XYLT1: variants seen among roughly 807,000 people sequenced by gnomAD.
The protein encoded by XYLT1 is beta-D-xylosyltransferase 1.
A neutral mutation model predicts 91.3 loss-of-function variants in XYLT1; 36 were observed. The ratio of observed to expected loss-of-function variants is 0.39; its 90% CI spans 0.30 to 0.52. The LOEUF (loss-of-function observed/expected upper bound fraction) is 0.52, where lower values mean the gene tolerates loss of function less well. XYLT1 is among the 20% of genes least tolerant of loss of function. XYLT1 has a pLI of 0.68. For synonymous variants in XYLT1, 588 were observed against 532.0 expected (o/e 1.11, Z -1.45); for missense variants, 1,242 against 1,284.5 (o/e 0.97, Z 0.51).
intron 5 of XYLT1, chr16:17,193,666 C>A (rs1159638560): frequency 6.6e-6 from 1 of 152,206 alleles, no homozygotes; most frequent in African/African-American, 2.4e-5. Flanking sequence ...TTGGGCACTA[C>A]CGCCCCTTTG....
intron 2 of XYLT1, among the ~76,000 whole-genome samples, chr16:17,322,377 AATC>A (rs1275894420): frequency 6.6e-6 from 1 of 152,164 alleles, no homozygotes; most frequent in African/African-American, 2.4e-5. Flanking sequence ...TAGATAATAT[AATC>A]ATCATCGTCA....
chr16:17,197,176 C>T (rs1270901985), intron 5 of XYLT1, among the ~76,000 whole-genome samples: 1 of 151,886 alleles, frequency 6.6e-6, no homozygotes, highest in East Asian at 1.9e-4. Context: ...CTACCCCTCA[C>T]TTACTCTGTT....
intron 2 of XYLT1, among the ~76,000 whole-genome samples, chr16:17,283,669 C>G (rs1386215463): frequency 6.6e-6 from 1 of 152,186 alleles, no homozygotes; most frequent in African/African-American, 2.4e-5. Flanking sequence ...AACGGCTTTG[C>G]TCCTTGGGAC....
intron 2 of XYLT1, among the ~76,000 whole-genome samples, chr16:17,308,693 A>C (rs1394998042): frequency 6.6e-6 from 1 of 152,202 alleles, no homozygotes; most frequent in East Asian, 1.9e-4. Flanking sequence ...CTCTTCTCCA[A>C]GACCCAGTTT....
intron 1 of XYLT1, among the ~76,000 whole-genome samples, chr16:17,437,053 G>C (rs1009973917): frequency 6.6e-6 from 1 of 152,174 alleles, no homozygotes; most frequent in Non-Finnish European, 1.5e-5. Flanking sequence ...ATCCTCATGA[G>C]AACCTTCTGT....
rs2032468257 is a variant in XYLT1, at chr16:17,198,220, G to A, written c.1281C>T (p.Tyr427=). 5 of 1,614,166 alleles carry A rather than the reference G, an allele frequency of 3.1e-6. No individual in the cohort carries two copies. Among genetic ancestry groups the A allele is most frequent in the Non-Finnish European group, 4.2e-6 (5 of 1,180,014 alleles). The change falls in exon 5 of 12, where the codon TAC becomes TAT. Residue 427 remains tyrosine, a synonymous_variant. Transcript: ENST00000261381. The part of the protein sequence containing the change: ...DFFINLSAAD[Y]PIRTNDQLVA... ...GCCCTTGGCTGCCTTACCTGATGGGGTAGTCGGCCGCACTCAGGTTGATGA... is the reference window on the plus strand; with the variant it reads ...GCCCTTGGCTGCCTTACCTGATGGGATAGTCGGCCGCACTCAGGTTGATGA...
chr16:17,181,397 C>A (rs1259947365), intron 5 of XYLT1, among the ~76,000 whole-genome samples: 1 of 152,202 alleles, frequency 6.6e-6, no homozygotes, highest in African/African-American at 2.4e-5. Context: ...AGTGACCACA[C>A]AAGGCCAGAC....
intron 1 of XYLT1, among the ~76,000 whole-genome samples, chr16:17,388,884 G>A (rs1016884112): frequency 6.6e-6 from 1 of 152,194 alleles, no homozygotes; most frequent in African/African-American, 2.4e-5. Flanking sequence ...GCACCTGGAG[G>A]AAGAAGAGAG....
At chr16:17,143,941 C>A (rs939057175) in intron 6 of XYLT1, among the ~76,000 whole-genome samples, 25 of 152,226 alleles carry the variant, frequency 1.6e-4, no homozygotes, top group Admixed American at 1.4e-3. Context: ...CCACCATCTT[C>A]ATCCCCATTA....
At chr16:17,258,177 G>A (rs1186385488) in intron 3 of XYLT1, among the ~76,000 whole-genome samples, 4 of 149,412 alleles carry the variant, frequency 2.7e-5, no homozygotes, top group Non-Finnish European at 5.9e-5. Flanking sequence ...AAGGAAGGAA[G>A]TAAAGAATGA....
At chr16:17,116,204 C>T (rs903249459) in intron 11 of XYLT1, among the ~76,000 whole-genome samples, 7 of 151,834 alleles carry the variant, frequency 4.6e-5, no homozygotes, top group African/African-American at 1.5e-4. Flanking sequence ...TGAAAAGGGG[C>T]GGGGGAAATA....
chr16:17,270,008 T>G (rs1472610703), intron 2 of XYLT1, among the ~76,000 whole-genome samples: 2 of 152,006 alleles, frequency 1.3e-5, no homozygotes, highest in African/African-American at 2.4e-5. Flanking sequence ...AGAGATGGGA[T>G]TTCACCATGT....
At chr16:17,204,200 T>C (rs990973355) in intron 3 of XYLT1, among the ~76,000 whole-genome samples, 7 of 152,184 alleles carry the variant, frequency 4.6e-5, no homozygotes, top group African/African-American at 1.7e-4. Context: ...ATGCTGGTCT[T>C]TAAAAAGGGC....
intron 5 of XYLT1, among the ~76,000 whole-genome samples, chr16:17,196,934 C>T (rs1334080346): frequency 6.6e-6 from 1 of 150,762 alleles, no homozygotes; most frequent in African/African-American, 2.5e-5. Context: ...TCACTTGAAC[C>T]TGGTGGGTGG....
intron 2 of XYLT1, among the ~76,000 whole-genome samples, chr16:17,285,086 T>A (rs1230720684): frequency 2.0e-5 from 3 of 152,270 alleles, no homozygotes; most frequent in Admixed American, 2.0e-4. Context: ...GAAACAAAGG[T>A]GGATGCAGCC....
intron 2 of XYLT1, among the ~76,000 whole-genome samples, chr16:17,316,599 G>A (rs1567371160): frequency 6.6e-6 from 1 of 151,812 alleles, no homozygotes. Context: ...GTTTCACTAT[G>A]TTGTCCAGGT....
intron 1 of XYLT1, among the ~76,000 whole-genome samples, chr16:17,455,626 A>AT (rs2036730659): frequency 6.7e-6 from 1 of 149,048 alleles, no homozygotes; most frequent in Non-Finnish European, 1.5e-5. Flanking sequence ...AAATAAATAA[A>AT]AGGTAGATTT....
intron 1 of XYLT1, among the ~76,000 whole-genome samples, chr16:17,394,379 G>A (rs565455487): frequency 6.6e-6 from 1 of 152,230 alleles, no homozygotes; most frequent in East Asian, 1.9e-4. Context: ...TCCATGGGAG[G>A]CAGCGGTGGT....
In XYLT1 at chr16:17,141,184, T is replaced by C; in HGVS notation, c.1556A>G (p.Gln519Arg). The change falls in exon 7 of 12, where the codon CAG becomes CGG. Residue 519 changes from glutamine (Q) to arginine (R), a missense_variant. Coordinates refer to ENST00000261381, the MANE Select transcript of XYLT1 (RefSeq NM_022166.4). ...STDDLVTKMK[Q>R]FYSYTLLPAE... is the part of the protein sequence containing the mutation. ...AGGAAGCAGGGTGTAGGAGTAGAACTGTTTCATCTTGGTCACCAGATCGTC... is the reference window on the plus strand; with the variant it reads ...AGGAAGCAGGGTGTAGGAGTAGAACCGTTTCATCTTGGTCACCAGATCGTC... The C allele has an allele frequency of 6.2e-7, 1 of 1,614,224 alleles. No homozygotes were observed. The highest frequency in any genetic ancestry group is 8.5e-7 in the Non-Finnish European group (1 of 1,180,028).
Sources: allele counts gnomAD v4.1 joint callset (sites outside exome capture counted in the v4.1 genomes callset), GRCh38; gene constraint gnomAD v4.1.1; transcripts MANE v1.5; gene names NCBI Gene and HGNC (gene_info 2026-07-23, HGNC 2026-07-21).